NEBL: variants seen among roughly 807,000 people sequenced by gnomAD.
NEBL encodes nebulette.
In NEBL, 122 loss-of-function variants were observed where a neutral mutation model predicts 140.2. That is an observed-to-expected ratio of 0.87 (90% confidence interval 0.75 to 1.01). The LOEUF is 1.01. Ranked by LOEUF, NEBL falls within the 50% of genes least tolerant of loss-of-function variation. NEBL has a pLI of 0.00. For missense variants in NEBL, 1,365 were observed against 1,231.3 expected (o/e 1.11, Z -1.62); for synonymous variants, 436 against 398.9 (o/e 1.09, Z -1.11).
chr10:20,984,122 C>A (rs1174923931), intron 3 of NEBL, among the ~76,000 whole-genome samples: 1 of 14,418 alleles, frequency 6.9e-5, no homozygotes. Context: ...AGAAAATGTA[C>A]CTGAAAAAAA....
At chr10:20,933,047 T>C (rs1834274366) in intron 4 of NEBL, among the ~76,000 whole-genome samples, 1 of 151,980 alleles carries the variant, frequency 6.6e-6, no homozygotes, top group Non-Finnish European at 1.5e-5. Flanking sequence ...AGAAAATGCA[T>C]GCACAAGTTT....
chr10:20,952,624 T>G (rs1275654928), intron 4 of NEBL, among the ~76,000 whole-genome samples: 1 of 151,282 alleles, frequency 6.6e-6, no homozygotes, highest in African/African-American at 2.4e-5. Context: ...AGCTCATCTG[T>G]CAGGGTACAG....
chr10:20,820,713 T>C (rs1839223933), intron 19 of NEBL, among the ~76,000 whole-genome samples: 1 of 152,090 alleles, frequency 6.6e-6, no homozygotes, highest in South Asian at 2.1e-4. Flanking sequence ...TAATCCCAGC[T>C]ACTCAGGAGG....
chr10:21,003,009 T>A (rs1837974751), intron 3 of NEBL, among the ~76,000 whole-genome samples: 1 of 48,286 alleles, frequency 2.1e-5, no homozygotes, highest in Admixed American at 2.5e-4. Flanking sequence ...GTGGCTTTTT[T>A]TTTTTTTTTT....
At chr10:21,071,932 C>T (rs900176315) in intron 2 of NEBL, among the ~76,000 whole-genome samples, 18 of 152,104 alleles carry the variant, frequency 1.2e-4, no homozygotes, top group African/African-American at 4.3e-4. Context: ...AATTCTCATG[C>T]CTCAGTCTAC....
At chr10:21,213,437 C>CTTTA (rs1375964471) in intron 3 of NEBL, among the ~76,000 whole-genome samples, 1 of 152,198 alleles carries the variant, frequency 6.6e-6, no homozygotes, top group African/African-American at 2.4e-5. Flanking sequence ...AAGCTTCAGT[C>CTTTA]TAAAGAACAG....
Position 20,845,322 on chromosome 10 carries a change from G to A in NEBL, c.1163C>T (p.Ser388Leu), listed in dbSNP as rs1379665942. Residue 388 changes from serine to leucine, a missense_variant, in exon 12 of 28, where the codon TCA (serine) becomes TTA (leucine). Physicochemically the swap from Ser to Leu is moderately radical, Grantham distance 145. Coordinates refer to ENST00000377122, the MANE Select transcript of NEBL (RefSeq NM_006393.3). ...TTCTGGAGTCTTGTCTAAATCCAGT[G>A]ATGACCTTCCTTTAATCTCCTTCTC... is the stretch of plus-strand genomic sequence containing the variant. The part of the protein sequence containing the change: ...DFEKEIKGRS[S>L]LDLDKTPEFL... 1.2e-6 allele frequency: 2 copies of A among 1,606,518 alleles called. No individual in the cohort carries two copies. Among genetic ancestry groups the A allele is most frequent in the Admixed American group, 1.7e-5 (1 of 59,896 alleles).
intron 3 of NEBL, among the ~76,000 whole-genome samples, chr10:21,184,323 T>C (rs1268738623): frequency 6.6e-6 from 1 of 152,216 alleles, no homozygotes; most frequent in African/African-American, 2.4e-5. Context: ...GCTAACCCAT[T>C]GCTGGTTGCT....
At chr10:21,033,605 C>T (rs551744508) in intron 2 of NEBL, among the ~76,000 whole-genome samples, 13 of 151,848 alleles carry the variant, frequency 8.6e-5, no homozygotes, top group Non-Finnish European at 1.8e-4. Context: ...CCAGGCATGG[C>T]GGTGTGCACC....
upstream of NEBL, among the ~76,000 whole-genome samples, chr10:21,293,045 C>A (rs910312966): frequency 1.3e-5 from 2 of 152,210 alleles, no homozygotes; most frequent in Non-Finnish European, 2.9e-5. Context: ...GTGGCCTCAA[C>A]AACATAGCAC....
chr10:20,790,099 G>T (rs1236879710), intron 26 of NEBL, among the ~76,000 whole-genome samples: 1 of 151,942 alleles, frequency 6.6e-6, no homozygotes, highest in Admixed American at 6.6e-5. Context: ...TGTATATGTT[G>T]CAGACAGCAG....
Position 20,808,686 on chromosome 10 carries a change from G to A in NEBL, c.2612-27C>T, listed in dbSNP as rs568587887. On this transcript the variant is annotated intron_variant, in intron 25 of 27. Transcript: ENST00000377122. ...TATATTGGAGGGAAAATATTTACAC[G>A]TGTGATTAAGTGACTCGAAAAACAA... is the stretch of plus-strand genomic sequence containing the variant. 3,452 of 1,601,264 alleles carry A rather than the reference G, an allele frequency of 2.2e-3. 88 individuals are homozygous for A. The South Asian group carries it at 0.036, about 17-fold the overall frequency.
At chr10:21,114,220 T>C (rs758924611) in intron 2 of NEBL, among the ~76,000 whole-genome samples, 5 of 152,116 alleles carry the variant, frequency 3.3e-5, no homozygotes, top group Non-Finnish European at 7.4e-5. Context: ...TTTCCAAATA[T>C]TTGGGGATTA....
chr10:21,197,921 C>G (rs1841676501), intron 3 of NEBL, among the ~76,000 whole-genome samples: 1 of 152,140 alleles, frequency 6.6e-6, no homozygotes, highest in South Asian at 2.1e-4. Flanking sequence ...AGCCCCTCAC[C>G]CTCCATGATT....
In NEBL at chr10:21,012,185, G is replaced by A. The variant is rs116195514; in HGVS notation, c.249+7932C>T. 4.4e-3 allele frequency among the ~76,000 whole-genome samples: 663 copies of A among 152,098 alleles called. 7 individuals are homozygous for A. The highest frequency in any genetic ancestry group is 0.015 in the African/African-American group (624 of 41,500). On this transcript the variant is annotated intron_variant, in intron 3 of 6. Coordinates refer to the NEBL transcript ENST00000417816. ...CGTACAATCTACCATGGCCAGAAGT[G>A]GGAGTAGGGTAGGTGCCCCCCTTCA...
At chr10:21,158,654 C>T (rs1840431576) in intron 2 of NEBL, among the ~76,000 whole-genome samples, 1 of 152,200 alleles carries the variant, frequency 6.6e-6, no homozygotes, top group Admixed American at 6.5e-5. Flanking sequence ...ACAGGGTTTT[C>T]TCAGGTCCCT....
intron 4 of NEBL, among the ~76,000 whole-genome samples, chr10:20,931,926 T>A (rs1834206567): frequency 6.6e-6 from 1 of 152,218 alleles, no homozygotes; most frequent in African/African-American, 2.4e-5. Flanking sequence ...CAAATTATTT[T>A]ATTACTAACA....
chr10:21,203,159 T>C (rs891969833), intron 3 of NEBL, among the ~76,000 whole-genome samples: 2 of 152,214 alleles, frequency 1.3e-5, no homozygotes, highest in Admixed American at 6.5e-5. Flanking sequence ...TTTATTAATA[T>C]GCTGCTTGTT....
intron 1 of NEBL, among the ~76,000 whole-genome samples, chr10:21,271,448 G>T (rs1842859111): frequency 6.6e-6 from 1 of 151,836 alleles, no homozygotes; most frequent in Non-Finnish European, 1.5e-5. Context: ...CATATTCCGG[G>T]TTTCATGTAC....
Sources: allele counts gnomAD v4.1 joint callset (sites outside exome capture counted in the v4.1 genomes callset), GRCh38; gene constraint gnomAD v4.1.1; transcripts MANE v1.5; gene names NCBI Gene and HGNC (gene_info 2026-07-23, HGNC 2026-07-21).